Variants in NWD2 observed in about 807,000 individuals in gnomAD.
The protein encoded by NWD2 is NACHT and WD repeat domain-containing protein 2.
Under a neutral mutation model 132.7 loss-of-function variants are expected in NWD2, and 37 were observed. The ratio of observed to expected loss-of-function variants is 0.28; its 90% CI spans 0.21 to 0.37. The LOEUF is 0.37. Ranked by LOEUF, NWD2 falls within the 10% of genes least tolerant of loss-of-function variation. The pLI is 1.00. For missense variants in NWD2, 1,592 were observed against 2,122.4 expected, an observed-to-expected ratio of 0.75 and a Z score of 4.91; for synonymous variants, 705 against 803.0, an observed-to-expected ratio of 0.88 and a Z score of 2.06.
intron 3 of NWD2, among the ~76,000 whole-genome samples, chr4:37,400,792 T>C (rs575574494): frequency 2.0e-4 from 30 of 152,338 alleles, no homozygotes; most frequent in Non-Finnish European, 2.6e-4. Context: ...ACAATAGTTA[T>C]ATTGTTTTGC....
At chr4:37,347,735 A>G (rs1248812947) in intron 2 of NWD2, among the ~76,000 whole-genome samples, 1 of 152,240 alleles carries the variant, frequency 6.6e-6, no homozygotes, top group Non-Finnish European at 1.5e-5. Flanking sequence ...ATGACATTTA[A>G]AGAAGATCAG....
intron 3 of NWD2, among the ~76,000 whole-genome samples, chr4:37,398,012 T>C (rs1320465436): frequency 2.0e-5 from 3 of 152,166 alleles, no homozygotes; most frequent in Non-Finnish European, 4.4e-5. Flanking sequence ...ACCATTTAAC[T>C]CCGCAACTGA....
chr4:37,435,219 A>C (rs1712291199), intron 5 of NWD2, among the ~76,000 whole-genome samples: 1 of 152,166 alleles, frequency 6.6e-6, no homozygotes, highest in Non-Finnish European at 1.5e-5. Flanking sequence ...TGATAGTAAA[A>C]ATTTATAAAG....
rs898193263 is a variant in NWD2, at chr4:37,448,549, A to G, written c.*1332A>G. 3.3e-5 allele frequency: 5 copies of G among 152,182 alleles called. No homozygotes were observed. Among genetic ancestry groups the G allele is most frequent in the South Asian group, 2.1e-4 (1 of 4,834 alleles). 9.4% of individuals were successfully genotyped at this position (152,182 alleles called of 1,614,324 possible). A position where few individuals can be genotyped will look rare whatever the true frequency, so the allele number is the denominator to read the frequency against. ...TGAAGATGATTGTTCTTTCTTCCATATCCTCCTTACGGCATGTCCTTGGAT... is the reference window on the plus strand; with the variant it reads ...TGAAGATGATTGTTCTTTCTTCCATGTCCTCCTTACGGCATGTCCTTGGAT... On this transcript the variant is annotated 3_prime_UTR_variant, in exon 7 of 7. Transcript: ENST00000309447.
intron 1 of NWD2, among the ~76,000 whole-genome samples, chr4:37,281,991 A>G (rs1436694758): frequency 2.6e-5 from 4 of 152,242 alleles, no homozygotes; most frequent in South Asian, 2.1e-4. Context: ...AGAAAGATCC[A>G]TCTCTTCTGT....
rs1577675796 is a variant in NWD2 at position 37,348,701 on chromosome 4, C to CAT, written c.241-7664_241-7663insTA. On this transcript the variant is annotated intron_variant, in intron 2 of 6. Coordinates refer to ENST00000309447, the MANE Select transcript of NWD2 (RefSeq NM_001144990.2). ...ACACACACACACACACACACACACA[C>CAT]ACTTTAAGTTCTGAGATACATGTGC... 2.3e-5 allele frequency among the ~76,000 whole-genome samples: 3 copies of CAT among 132,540 alleles called. No individual in the cohort carries two copies. The East Asian group carries it at 7.0e-4, about 31-fold the overall frequency. 87.0% of individuals were successfully genotyped at this position (132,540 alleles called of 152,430 possible). A position where few individuals can be genotyped will look rare whatever the true frequency, so the allele number is the denominator to read the frequency against.
intron 3 of NWD2, among the ~76,000 whole-genome samples, chr4:37,395,845 G>A (rs377134731): frequency 2.4e-4 from 36 of 151,578 alleles, no homozygotes; most frequent in African/African-American, 7.2e-4. Context: ...GGCTCACTGC[G>A]ACCTCTGGGA....
At chr4:37,308,591 T>G (rs1718763825) in intron 1 of NWD2, among the ~76,000 whole-genome samples, 1 of 152,104 alleles carries the variant, frequency 6.6e-6, no homozygotes, top group African/African-American at 2.4e-5. Flanking sequence ...TAGCTCTATT[T>G]CCCAGCTGGA....
chr4:37,401,618 G>C (rs1296281037), intron 3 of NWD2, among the ~76,000 whole-genome samples: 2 of 152,050 alleles, frequency 1.3e-5, no homozygotes, highest in African/African-American at 4.8e-5. Flanking sequence ...GTGTGATTAT[G>C]TTAGTCCCCT....
intron 1 of NWD2, among the ~76,000 whole-genome samples, chr4:37,306,846 C>A (rs1364401913): frequency 6.6e-6 from 1 of 151,888 alleles, no homozygotes; most frequent in Non-Finnish European, 1.5e-5. Context: ...CATGGGGAAA[C>A]CCTGTCTCTA....
chr4:37,268,561 A>G (rs1717805986), intron 1 of NWD2, among the ~76,000 whole-genome samples: 1 of 151,966 alleles, frequency 6.6e-6, no homozygotes, highest in Non-Finnish European at 1.5e-5. Context: ...TGCGGTTATC[A>G]CAGTACCTAC....
At chr4:37,442,663 A>G (rs1473588268) in intron 6 of NWD2, among the ~76,000 whole-genome samples, 1 of 152,232 alleles carries the variant, frequency 6.6e-6, no homozygotes, top group Non-Finnish European at 1.5e-5. Flanking sequence ...TGTGGATTTT[A>G]TAACAGATAA....
chr4:37,271,225 A>T (rs1180223384), intron 1 of NWD2, among the ~76,000 whole-genome samples: 1 of 151,786 alleles, frequency 6.6e-6, no homozygotes, highest in Non-Finnish European at 1.5e-5. Context: ...GCTATCCAAG[A>T]TCTTCTAATT....
chr4:37,261,697 C>A (rs914884168), intron 1 of NWD2, among the ~76,000 whole-genome samples: 1 of 152,004 alleles, frequency 6.6e-6, no homozygotes, highest in Non-Finnish European at 1.5e-5. Flanking sequence ...GATGGGGGGA[C>A]CATAATGTAA....
intron 2 of NWD2, among the ~76,000 whole-genome samples, chr4:37,348,331 C>T (rs939013343): frequency 6.6e-6 from 1 of 152,062 alleles, no homozygotes; most frequent in African/African-American, 2.4e-5. Context: ...AGTTTTCCCA[C>T]ATAAATCACC....
At chr4:37,428,548 C>T (rs1467125193) in intron 3 of NWD2, among the ~76,000 whole-genome samples, 1 of 152,250 alleles carries the variant, frequency 6.6e-6, no homozygotes, top group African/African-American at 2.4e-5. Context: ...CTTGCTAAAA[C>T]ATAAATTGCT....
intron 1 of NWD2, among the ~76,000 whole-genome samples, chr4:37,313,193 A>G (rs1718886065): frequency 6.6e-6 from 1 of 151,308 alleles, no homozygotes; most frequent in East Asian, 1.9e-4. Flanking sequence ...GAATAGTTTC[A>G]GAAGGAATGG....
chr4:37,251,995 A>C (rs1378675240), intron 1 of NWD2, among the ~76,000 whole-genome samples: 4 of 152,220 alleles, frequency 2.6e-5, no homozygotes, highest in Non-Finnish European at 5.9e-5. Context: ...TGTGCTAATG[A>C]TATGAACGGA....
At chr4:37,281,619 C>T (rs888782576) in intron 1 of NWD2, among the ~76,000 whole-genome samples, 2 of 152,016 alleles carry the variant, frequency 1.3e-5, no homozygotes, top group Admixed American at 1.3e-4. Context: ...GTCCTGTTAG[C>T]GTCCCCATTT....
Sources: gnomAD v4.1 joint callset for allele counts (sites outside exome capture counted in the v4.1 genomes callset) on GRCh38, gnomAD v4.1.1 for gene constraint, MANE v1.5 for transcripts, NCBI Gene and HGNC (gene_info 2026-07-23, HGNC 2026-07-21) for gene names.